HCN1: variants seen among roughly 807,000 people sequenced by gnomAD.
HCN1 encodes potassium/sodium hyperpolarization-activated cyclic nucleotide-gated channel 1.
A neutral mutation model predicts 78.9 loss-of-function variants in HCN1; 13 were observed. The observed-to-expected ratio is 0.16, with a 90% CI of 0.11 to 0.26. The LOEUF is 0.26. HCN1 is among the 10% of genes least tolerant of loss of function. The pLI, the probability that HCN1 is intolerant of heterozygous loss-of-function variation, is 1.00. For missense variants in HCN1, 810 were observed against 1,154.3 expected (o/e 0.70, Z 4.32); for synonymous variants, 552 against 455.5 (o/e 1.21, Z -2.70).
At chr5:45,460,856 T>G (rs1741139509) in intron 3 of HCN1, among the ~76,000 whole-genome samples, 1 of 151,236 alleles carries the variant, frequency 6.6e-6, no homozygotes, top group African/African-American at 2.4e-5. Flanking sequence ...ATCATAATCT[T>G]TGGTGTCCAT....
chr5:45,269,181 G>A (rs1313123956), intron 6 of HCN1, among the ~76,000 whole-genome samples: 1 of 152,208 alleles, frequency 6.6e-6, no homozygotes, highest in African/African-American at 2.4e-5. Context: ...GTGGGCACAG[G>A]AATCTTATTT....
In HCN1 at chr5:45,374,708, T is replaced by C. The variant is rs533952911; in HGVS notation, c.1231-21462A>G. Among the ~76,000 whole-genome samples, 26 of 150,244 alleles carry C rather than the reference T, an allele frequency of 1.7e-4. 1 individual carries two copies. Among genetic ancestry groups the C allele is most frequent in the African/African-American group, 6.3e-4 (26 of 41,126 alleles). Reference sequence around the variant, plus strand: ...GACAACAAAAAAAGAAAACTTCAGGTAAATATGCTTGATGAACACAGATAC... The same window carrying C: ...GACAACAAAAAAAGAAAACTTCAGGCAAATATGCTTGATGAACACAGATAC... On this transcript the variant is annotated intron_variant, in intron 4 of 7. Coordinates refer to ENST00000303230, the MANE Select transcript of HCN1 (RefSeq NM_021072.4).
intron 6 of HCN1, among the ~76,000 whole-genome samples, chr5:45,282,511 C>T (rs1390157316): frequency 6.6e-6 from 1 of 152,144 alleles, no homozygotes; most frequent in Non-Finnish European, 1.5e-5. Context: ...ACAATTCTTC[C>T]CCAAACTTGA....
chr5:45,494,954 T>G (rs1397952560), intron 2 of HCN1, among the ~76,000 whole-genome samples: 10 of 147,610 alleles, frequency 6.8e-5, no homozygotes, highest in African/African-American at 2.2e-4. Context: ...GTTCCATTGA[T>G]CTATATCTCT....
rs543093565 is a variant in HCN1 at position 45,365,136 on chromosome 5, T to G, written c.1231-11890A>C. Among the ~76,000 whole-genome samples the G allele has an allele frequency of 3.3e-5, 5 of 152,152 alleles. No homozygotes were observed. In the East Asian group the frequency reaches 9.7e-4, roughly 29 times the overall value. ...TCCTTTTTAAAAATAAAAGTGCCATTTTTTTCATACGATCAAATATATGTA... is the reference window on the plus strand; with the variant it reads ...TCCTTTTTAAAAATAAAAGTGCCATGTTTTTCATACGATCAAATATATGTA... On this transcript the variant is annotated intron_variant, in intron 4 of 7. Coordinates refer to ENST00000303230, the MANE Select transcript of HCN1 (RefSeq NM_021072.4).
intron 2 of HCN1, among the ~76,000 whole-genome samples, chr5:45,630,882 A>T (rs1402593139): frequency 2.6e-5 from 4 of 152,090 alleles, no homozygotes; most frequent in African/African-American, 7.2e-5. Context: ...TAAGAAATTA[A>T]TTTTTGTGTA....
chr5:45,483,513 G>A (rs549413279), intron 2 of HCN1, among the ~76,000 whole-genome samples: 1 of 152,194 alleles, frequency 6.6e-6, no homozygotes, highest in South Asian at 2.1e-4. Context: ...TGTAGATTCT[G>A]GATATTAAGG....
At chr5:45,289,063 G>T (rs575848755) in intron 6 of HCN1, among the ~76,000 whole-genome samples, 1 of 150,454 alleles carries the variant, frequency 6.6e-6, no homozygotes, top group Non-Finnish European at 1.5e-5. Flanking sequence ...CTGTGTTTTT[G>T]GGGGGCATTA....
Position 45,465,272 on chromosome 5 carries a change from C to A in HCN1, c.850-3265G>T, listed in dbSNP as rs182263278. ...AGGGAATTAAAACAAACAAAAAAAT[C>A]AAAAACTTCACTATTATTTTCCATC... On this transcript the variant is annotated intron_variant, in intron 2 of 7. Coordinates refer to ENST00000303230, the MANE Select transcript of HCN1 (RefSeq NM_021072.4). Among the ~76,000 whole-genome samples the A allele has an allele frequency of 4.4e-3, 666 of 152,114 alleles. 6 individuals are homozygous for A. The highest frequency in any genetic ancestry group is 7.6e-3 in the Non-Finnish European group (514 of 67,946).
intron 4 of HCN1, among the ~76,000 whole-genome samples, chr5:45,383,958 C>G (rs932588952): frequency 6.6e-6 from 1 of 152,028 alleles, no homozygotes; most frequent in Non-Finnish European, 1.5e-5. Context: ...ATCTGAGAAA[C>G]AGGTAAGAAG....
Position 45,321,972 on chromosome 5 carries a change from T to G in HCN1, c.1378-18133A>C, listed in dbSNP as rs550548779. On this transcript the variant is annotated intron_variant, in intron 5 of 7. Coordinates refer to ENST00000303230, the MANE Select transcript of HCN1 (RefSeq NM_021072.4). ...AGGTAAATAAGAAGCATTTCCTCTG[T>G]GCCTCACCAGAAAATTAGTGTAAAA... is the stretch of plus-strand genomic sequence containing the variant. 7.2e-5 allele frequency among the ~76,000 whole-genome samples: 11 copies of G among 151,982 alleles called. 1 individual carries two copies. The highest frequency in any genetic ancestry group is 2.6e-4 in the African/African-American group (11 of 41,514).
chr5:45,363,403 C>A (rs1747165465), intron 4 of HCN1, among the ~76,000 whole-genome samples: 1 of 151,568 alleles, frequency 6.6e-6, no homozygotes. Flanking sequence ...AGGCAACGTT[C>A]AACCAATGAG....
intron 3 of HCN1, among the ~76,000 whole-genome samples, chr5:45,398,445 ATGTG>A (rs1198071859): frequency 2.0e-5 from 3 of 151,888 alleles, no homozygotes; most frequent in Admixed American, 1.3e-4. Context: ...GTGTGCCTAT[ATGTG>A]TGTGTGTGTA....
At chr5:45,333,520 T>C (rs1396531741) in intron 5 of HCN1, among the ~76,000 whole-genome samples, 1 of 151,820 alleles carries the variant, frequency 6.6e-6, no homozygotes, top group African/African-American at 2.4e-5. Context: ...TTTGCTTTCG[T>C]TACCTGTGCT....
chr5:45,501,923 A>C (rs1177406288), intron 2 of HCN1, among the ~76,000 whole-genome samples: 4 of 152,142 alleles, frequency 2.6e-5, no homozygotes, highest in African/African-American at 9.7e-5. Flanking sequence ...TTGTTTGGCC[A>C]GGTGGGGTGC....
chr5:45,460,794 C>A (rs1025835504), intron 3 of HCN1, among the ~76,000 whole-genome samples: 3 of 148,152 alleles, frequency 2.0e-5, no homozygotes, highest in Admixed American at 6.8e-5. Flanking sequence ...CAATGTAAAT[C>A]GCCTTTTTTT....
chr5:45,543,728 A>G (rs923388061), intron 2 of HCN1, among the ~76,000 whole-genome samples: 17 of 152,224 alleles, frequency 1.1e-4, no homozygotes, highest in African/African-American at 4.1e-4. Flanking sequence ...CACCATTTTT[A>G]AAAGCCTATG....
At chr5:45,464,716 G>A (rs1050116755) in intron 2 of HCN1, among the ~76,000 whole-genome samples, 25 of 152,004 alleles carry the variant, frequency 1.6e-4, no homozygotes, top group African/African-American at 5.3e-4. Flanking sequence ...ATCTCGGCCC[G>A]ATCTGATTGT....
At chr5:45,296,234 G>C (rs1419068300) in intron 6 of HCN1, among the ~76,000 whole-genome samples, 2 of 151,814 alleles carry the variant, frequency 1.3e-5, no homozygotes, top group Admixed American at 1.3e-4. Context: ...TCAAGAGTTA[G>C]GGCTATAAAA....
Sources: gnomAD v4.1 joint callset for allele counts (sites outside exome capture counted in the v4.1 genomes callset) on GRCh38, gnomAD v4.1.1 for gene constraint, MANE v1.5 for transcripts, NCBI Gene and HGNC (gene_info 2026-07-23, HGNC 2026-07-21) for gene names.